LILRB5: variants seen among roughly 807,000 people sequenced by gnomAD.
The protein encoded by LILRB5 is leukocyte immunoglobulin like receptor B5.
LILRB5 carries 61 observed loss-of-function variants against 68.4 expected under a neutral mutation model. The ratio of observed to expected loss-of-function variants is 0.89; its 90% CI spans 0.73 to 1.10. The LOEUF (loss-of-function observed/expected upper bound fraction) is 1.10, where lower values mean the gene tolerates loss of function less well. LILRB5 is among the 50% of genes least tolerant of loss of function. The pLI is 0.00. For missense variants in LILRB5, 771 were observed against 751.6 expected, an observed-to-expected ratio of 1.03 and a Z score of -0.30; for synonymous variants, 356 against 315.8, an observed-to-expected ratio of 1.13 and a Z score of -1.35.
At position 54,250,440 on chromosome 19, in the gene LILRB5, ATTC is replaced by A; in HGVS notation, c.*343_*345del. On this transcript the variant is annotated 3_prime_UTR_variant, in exon 13 of 13. Coordinates refer to ENST00000449561, the MANE Select transcript of LILRB5 (RefSeq NM_001081442.3). ...CAAGGTCATTAATTACGTAGGTTTT[ATTC>A]TTTTCTAATTCATTCGCTCATTTGT... 1 of 251,880 alleles carries A rather than the reference ATTC, an allele frequency of 4.0e-6. No homozygotes were observed. Among genetic ancestry groups the A allele is most frequent in the East Asian group, 8.2e-5 (1 of 12,168 alleles). The allele number at this position is 251,880 out of a possible 1,614,324, so 15.6% of individuals were successfully genotyped here.
At chr19:54,254,109 T>C (rs1286815776) in intron 7 of LILRB5, 41 bp from the exon 8 acceptor site, 2 of 1,574,650 alleles carry the variant, frequency 1.3e-6, no homozygotes, top group Non-Finnish European at 1.7e-6. Context: ...GCTGCCCTGC[T>C]CCCCACATCA....
intron 5 of LILRB5, 108 bp from the exon 6 acceptor site, chr19:54,255,145 C>T: frequency 2.3e-6 from 3 of 1,330,144 alleles, no homozygotes; most frequent in Non-Finnish European, 3.1e-6. Flanking sequence ...GTCTTCCCCT[C>T]CCCACCCATC....
At chr19:54,255,956 T>C (rs2079126101) in intron 4 of LILRB5, 87 bp downstream of exon 4, 18 of 1,096,044 alleles carry the variant, frequency 1.6e-5, no homozygotes, top group Non-Finnish European at 2.4e-5. Flanking sequence ...CCTTCTGGGG[T>C]CCTTGCCATG....
intron 12 of LILRB5, chr19:54,251,330 T>A (rs1407873665): frequency 1.3e-6 from 1 of 795,802 alleles, no homozygotes; most frequent in Admixed American, 2.9e-5. Context: ...TCCCTGTGGT[T>A]CTGGCCTCTG....
intron 8 of LILRB5, 182 bp downstream of exon 8, chr19:54,253,836 G>A: frequency 6.7e-7 from 1 of 1,490,376 alleles, no homozygotes; most frequent in Non-Finnish European, 9.0e-7. Flanking sequence ...GGTGGGACAG[G>A]ACAGTCCCCT....
chr19:54,251,172 GGAGA>G lies in LILRB5; in HGVS notation c.1630-244_1630-241del, dbSNP rs745325748. 5 of 1,590,894 alleles carry G rather than the reference GGAGA, an allele frequency of 3.1e-6. No individual in the cohort carries two copies. In the African/African-American group the frequency reaches 6.7e-5, roughly 21 times the overall value. ...GGGTCTTCATCGTGTGGGCTCTGCT[GGAGA>G]GAGACAGTGGTGGGGGGTGTCCTTG... On this transcript the variant is annotated intron_variant, in intron 12 of 12. Transcript: ENST00000449561.
chr19:54,256,526 C>G lies in LILRB5; in HGVS notation c.318G>C (p.Trp106Cys), dbSNP rs200838628. ...YRCYYETPAGWSEPSDPLELV... is the reference protein window; with the variant it reads ...YRCYYETPAGCSEPSDPLELV... ...GCTCCAGGGGGTCACTGGGCTCTGA[C>G]CAGCCTGCAGGGGTCTCATAGTAGC... The change falls in exon 3 of 13, where the codon TGG becomes TGC. Residue 106 changes from tryptophan (W) to cysteine (C), a missense_variant. Coordinates refer to ENST00000449561, the MANE Select transcript of LILRB5 (RefSeq NM_001081442.3). The G allele has an allele frequency of 3.5e-5, 57 of 1,614,026 alleles. No individual in the cohort carries two copies. The highest frequency in any genetic ancestry group is 8.5e-7 in the Non-Finnish European group (1 of 1,180,004).
chr19:54,253,020 C>T (rs750624486), intron 8 of LILRB5, 33 bp from the exon 9 acceptor site: 14 of 1,446,206 alleles, frequency 9.7e-6, no homozygotes, highest in East Asian at 3.1e-5. Context: ...ATGGGGATGA[C>T]GTCATTGATG....
chr19:54,250,039 A>AAAAC lies in LILRB5; in HGVS notation c.*743_*746dup, dbSNP rs1491589260. 3 of 152,580 alleles carry AAAAC rather than the reference A, an allele frequency of 2.0e-5. No homozygotes were observed. Among genetic ancestry groups the AAAAC allele is most frequent in the Admixed American group, 6.5e-5 (1 of 15,278 alleles). The allele number at this position is 152,580 out of a possible 1,614,324, so 9.5% of individuals were successfully genotyped here. ...AGAGCGAGACTCCGTCTCAAAAAAC[A>AAAAC]AAACAAAACAAAACAAAAACCCTCA... On this transcript the variant is annotated 3_prime_UTR_variant, in exon 13 of 13. Transcript: ENST00000449561.
chr19:54,256,507 G>C lies in LILRB5; in HGVS notation c.337C>G (p.Leu113Val), dbSNP rs2079148548. Residue 113 changes from leucine to valine, a missense_variant, in exon 3 of 13, where the codon CTG (leucine) becomes GTG (valine). Transcript: ENST00000449561. ...CTCTCACCTGTCGCCACCAGCTCCAGGGGGTCACTGGGCTCTGACCAGCCT... is the reference window on the plus strand; with the variant it reads ...CTCTCACCTGTCGCCACCAGCTCCACGGGGTCACTGGGCTCTGACCAGCCT... ...PAGWSEPSDP[L>V]ELVATGFYAE... 1 of 1,613,982 alleles carries C rather than the reference G, an allele frequency of 6.2e-7. No individual in the cohort carries two copies. The highest frequency in any genetic ancestry group is 2.2e-5 in the East Asian group (1 of 44,900).
At chr19:54,253,640 T>G in intron 8 of LILRB5, 1 of 564,952 alleles carries the variant, frequency 1.8e-6, no homozygotes, top group Non-Finnish European at 3.2e-6. Flanking sequence ...TGAGTCAGAG[T>G]AGAAAGTTGA....
intron 4 of LILRB5, 103 bp from the exon 5 acceptor site, chr19:54,255,685 G>T (rs928197904): frequency 3.7e-6 from 5 of 1,333,858 alleles, no homozygotes; most frequent in Non-Finnish European, 5.1e-6. Flanking sequence ...TGTCTCTCAC[G>T]CTCTGTGTCT....
chr19:54,255,749 G>A (rs777385712), intron 4 of LILRB5, 167 bp from the exon 5 acceptor site: 13 of 862,206 alleles, frequency 1.5e-5, no homozygotes, highest in South Asian at 3.6e-5. Context: ...GTTCCAGACC[G>A]ATAGTGTCTC....
At chr19:54,253,740 G>A in intron 8 of LILRB5, 1 of 1,177,282 alleles carries the variant, frequency 8.5e-7, no homozygotes, top group East Asian at 2.6e-5. Flanking sequence ...CCTGAGCGGA[G>A]CCCCGGAGCT....
chr19:54,252,073 C>T lies in LILRB5; in HGVS notation c.1610G>A (p.Gly537Glu), dbSNP rs1173875773. 6.2e-7 allele frequency: 1 copy of T among 1,614,056 alleles called. No homozygotes were observed. Among genetic ancestry groups the T allele is most frequent in the African/African-American group, 1.3e-5 (1 of 75,046 alleles). Residue 537 changes from glycine to glutamate, a missense_variant, in exon 12 of 13, where the codon GGG (glycine) becomes GAG (glutamate). By Grantham distance (98) the Gly-to-Glu change is moderately conservative. Transcript: ENST00000449561. ...CCTCACCGGAGCATCCATCTCCACC[C>T]CGTCCTTGGGCTGTGTGTCCTTCAC... The part of the protein sequence containing the change: ...AAVKDTQPKD[G>E]VEMDAPAAAS...
rs2079006506 is a variant in LILRB5, at chr19:54,252,901, G to T, written c.1444C>A (p.His482Asn). 2 of 1,597,628 alleles carry T rather than the reference G, an allele frequency of 1.3e-6. No individual in the cohort carries two copies. Among genetic ancestry groups the T allele is most frequent in the Non-Finnish European group, 1.7e-6 (2 of 1,169,944 alleles). The change falls in exon 9 of 13, where the codon CAT (histidine) becomes AAT (asparagine). Residue 482 changes from histidine (H) to asparagine (N), a missense_variant. Physicochemically the swap from His to Asn is moderately conservative, Grantham distance 68. Coordinates refer to ENST00000449561, the MANE Select transcript of LILRB5 (RefSeq NM_001081442.3). ...GTCCTGTGTTTGCTCTGATGCCGAT[G>T]TCGGAGGAGGAGGAAGAGGAGGAGG... is the stretch of plus-strand genomic sequence containing the variant. ...LFLLLFLLLR[H>N]RHQSKHRTSA...
rs767726732 is a variant in LILRB5 at position 54,255,020 on chromosome 19, G to T, written c.970C>A (p.Pro324Thr). ...ILIAGLIPDI[P>T]ALSVQPGPKV... is the part of the protein sequence containing the mutation. ...GGGCCCGGCTGCACCGAGAGGGCGG[G>T]TATGTCAGGGATCAGTCCTGGAGAG... The change falls in exon 6 of 13, where the codon CCC becomes ACC. Residue 324 changes from proline (P) to threonine (T), a missense_variant. Physicochemically the swap from Pro to Thr is conservative, Grantham distance 38. Transcript: ENST00000449561. 1.2e-6 allele frequency: 2 copies of T among 1,609,020 alleles called. No homozygotes were observed. Among genetic ancestry groups the T allele is most frequent in the South Asian group, 1.1e-5 (1 of 90,556 alleles).
chr19:54,256,899 C>T (rs536669164), intron 2 of LILRB5, 62 bp downstream of exon 2: 42 of 1,612,700 alleles, frequency 2.6e-5, no homozygotes, highest in South Asian at 1.6e-4. Context: ...CCCAGCTGCC[C>T]GGGGTTGGGC....
chr19:54,256,100 TGTAATA>T lies in LILRB5; in HGVS notation c.592_597del (p.Tyr198_Tyr199del). 1 of 1,590,598 alleles carries T rather than the reference TGTAATA, an allele frequency of 6.3e-7. No individual in the cohort carries two copies. The highest frequency in any genetic ancestry group is 2.2e-5 in the East Asian group (1 of 44,462). On this transcript the variant is annotated inframe_deletion, in exon 4 of 13. Coordinates refer to ENST00000449561, the MANE Select transcript of LILRB5 (RefSeq NM_001081442.3). ...TTCGACCACACCTGAGGGTTTTTCC[TGTAATA>T]GTAATAGCATCTGAACCTCCACCTG...
Sources: gnomAD v4.1 joint callset for allele counts on GRCh38, gnomAD v4.1.1 for gene constraint, MANE v1.5 for transcripts, NCBI Gene and HGNC (gene_info 2026-07-23, HGNC 2026-07-21) for gene names.